Variants in ZNF76 observed in about 807,000 individuals in gnomAD.
ZNF76 encodes zinc finger protein 523.
ZNF76 carries 66 observed loss-of-function variants against 66.9 expected under a neutral mutation model. The ratio of observed to expected loss-of-function variants is 0.99; its 90% CI spans 0.81 to 1.21. The LOEUF (loss-of-function observed/expected upper bound fraction) is 1.21. Among genes scored for constraint, ZNF76 ranks in the 50% most tolerant of loss-of-function variants. The pLI, the probability that ZNF76 is intolerant of heterozygous loss-of-function variation, is 0.00. For synonymous variants in ZNF76, 275 were observed against 296.1 expected (o/e 0.93, Z 0.73); for missense variants, 729 against 760.3 (o/e 0.96, Z 0.48).
intron 1 of ZNF76, among the ~76,000 whole-genome samples, chr6:35,278,882 T>C (rs1176571462): frequency 6.6e-6 from 1 of 152,126 alleles, no homozygotes; most frequent in Non-Finnish European, 1.5e-5. Flanking sequence ...ACAGTGTGAG[T>C]TGCTGGAGAA....
chr6:35,290,872 T>C (rs2150374364), intron 7 of ZNF76, 156 bp downstream of exon 7: 1 of 716,482 alleles, frequency 1.4e-6, no homozygotes, highest in Admixed American at 2.6e-5. Flanking sequence ...GGAAACCTTG[T>C]TACGGGAGTG....
At chr6:35,293,648 C>T in intron 11 of ZNF76, 103 bp from the exon 12 acceptor site, 1 of 1,402,638 alleles carries the variant, frequency 7.1e-7, no homozygotes, top group Non-Finnish European at 9.8e-7. Flanking sequence ...TGACATGAAA[C>T]TAATAAGCTG....
At chr6:35,284,481 C>T (rs1789254584) in intron 2 of ZNF76, among the ~76,000 whole-genome samples, 1 of 151,580 alleles carries the variant, frequency 6.6e-6, no homozygotes, top group Non-Finnish European at 1.5e-5. Flanking sequence ...TCACTGCAAC[C>T]TCCGCCTCCC....
chr6:35,277,337 G>T (rs1311483248), intron 1 of ZNF76, among the ~76,000 whole-genome samples: 1 of 152,134 alleles, frequency 6.6e-6, no homozygotes, highest in Non-Finnish European at 1.5e-5. Context: ...ACCTTGACCA[G>T]TGGTTCTTCA....
intron 2 of ZNF76, among the ~76,000 whole-genome samples, chr6:35,285,458 A>G (rs1251665782): frequency 1.3e-5 from 2 of 152,208 alleles, no homozygotes; most frequent in Non-Finnish European, 2.9e-5. Flanking sequence ...CCAGTTTTTT[A>G]TATTCGTTAA....
In ZNF76 at chr6:35,286,365, T is replaced by A; in HGVS notation, c.198T>A (p.Asp66Glu). ...ATGGTCAGCCTGTGCAGCTGGAAGA[T>A]GGCAGCATGGCTTACATACACCGCA... The part of the protein sequence containing the change: ...FEDGQPVQLE[D>E]GSMAYIHRTP... Residue 66 changes from aspartate to glutamate, a missense_variant, in exon 4 of 14, where the codon GAT becomes GAA. Transcript: ENST00000373953. The A allele has an allele frequency of 6.2e-7, 1 of 1,614,170 alleles. No homozygotes were observed. The highest frequency in any genetic ancestry group is 8.5e-7 in the Non-Finnish European group (1 of 1,180,040).
At chr6:35,290,592 C>T (rs750107717) in intron 6 of ZNF76, 49 bp from the exon 7 acceptor site, 1 of 1,604,918 alleles carries the variant, frequency 6.2e-7, no homozygotes, top group African/African-American at 1.3e-5. Context: ...CCAAAGAGCC[C>T]TGGTCATACC....
rs1268511464 is a variant in ZNF76 at position 35,286,394 on chromosome 6, C to T, written c.227C>T (p.Pro76Leu). Residue 76 changes from proline to leucine, a missense_variant, in exon 4 of 14, where the codon CCC (proline) becomes CTC (leucine). Transcript: ENST00000373953. ...AGCATGGCTTACATACACCGCACAC[C>T]CAGAGGTAGGGTCACCATCATCACA... ...DGSMAYIHRT[P>L]REGYDPSTLE... 3 of 1,613,932 alleles carry T rather than the reference C, an allele frequency of 1.9e-6. No individual in the cohort carries two copies. The highest frequency in any genetic ancestry group is 2.5e-6 in the Non-Finnish European group (3 of 1,179,960).
chr6:35,286,543 A>G, intron 4 of ZNF76, 144 bp downstream of exon 4: 1 of 773,606 alleles, frequency 1.3e-6, no homozygotes, highest in Non-Finnish European at 2.2e-6. Context: ...GCTCACCTGG[A>G]TTAGCAGCCT....
chr6:35,289,246 A>AC, intron 5 of ZNF76, among the ~76,000 whole-genome samples: 1 of 152,144 alleles, frequency 6.6e-6, no homozygotes, highest in Admixed American at 6.5e-5. Context: ...TCCCGTGATT[A>AC]CCCCAGGAGC....
At position 35,290,345 on chromosome 6, in the gene ZNF76, G is replaced by A; in HGVS notation, c.512G>A (p.Gly171Asp). Residue 171 changes from glycine (G) to aspartate (D), a missense_variant, in exon 6 of 14, where the codon GGC becomes GAC. Coordinates refer to ENST00000373953, the MANE Select transcript of ZNF76 (RefSeq NM_003427.5). ...GDRAFRCGYK[G>D]CGRLYTTAHH... ...AGAGCATTCCGCTGTGGCTACAAGG[G>A]CTGTGGGCGTCTCTACACCACCGCT... The A allele has an allele frequency of 1.2e-6, 2 of 1,614,220 alleles. No individual in the cohort carries two copies. Among genetic ancestry groups the A allele is most frequent in the Non-Finnish European group, 1.7e-6 (2 of 1,180,034 alleles).
chr6:35,261,040 C>G (rs1453623534), intron 1 of ZNF76, among the ~76,000 whole-genome samples: 1 of 152,162 alleles, frequency 6.6e-6, no homozygotes, highest in African/African-American at 2.4e-5. Flanking sequence ...CATAACAAAC[C>G]TAGGTTCCAG....
At chr6:35,277,250 A>G (rs1428768130) in intron 1 of ZNF76, among the ~76,000 whole-genome samples, 1 of 152,196 alleles carries the variant, frequency 6.6e-6, no homozygotes, top group Non-Finnish European at 1.5e-5. Context: ...CTCTTGTGAG[A>G]CAGGGACCAC....
rs145936921 is a variant in ZNF76, at chr6:35,291,294, C to T, written c.642C>T (p.Ser214=). Residue 214 remains serine, a synonymous_variant, in exon 8 of 14, where the codon AGC becomes AGT. Transcript: ENST00000373953. ...KAFATGYGLK[S]HVRTHTGEKP... ...TATGGACAGGCTATGGACTGAAGAG[C>T]CACGTTCGTACCCACACTGGTGAGA... 6.5e-5 allele frequency: 104 copies of T among 1,611,250 alleles called. No homozygotes were observed. Among genetic ancestry groups the T allele is most frequent in the Non-Finnish European group, 8.6e-5 (101 of 1,178,728 alleles).
chr6:35,281,934 T>C (rs1377367029), intron 2 of ZNF76, among the ~76,000 whole-genome samples: 2 of 141,934 alleles, frequency 1.4e-5, no homozygotes, highest in Non-Finnish European at 3.0e-5. Flanking sequence ...AGATCCCATC[T>C]CTTAAAAAAA....
intron 1 of ZNF76, among the ~76,000 whole-genome samples, chr6:35,277,669 T>C (rs1788116480): frequency 6.6e-6 from 1 of 152,244 alleles, no homozygotes; most frequent in Admixed American, 6.5e-5. Context: ...AGTTAATGTA[T>C]GTGACATTCC....
At chr6:35,282,555 C>G (rs910943443) in intron 2 of ZNF76, among the ~76,000 whole-genome samples, 6 of 152,092 alleles carry the variant, frequency 3.9e-5, no homozygotes, top group Non-Finnish European at 8.8e-5. Flanking sequence ...CTCAGGCAGC[C>G]AGATAGCATT....
chr6:35,277,864 G>A lies in ZNF76; in HGVS notation c.-96-3192G>A, dbSNP rs137936580. Among the ~76,000 whole-genome samples, 18 of 152,242 alleles carry A rather than the reference G, an allele frequency of 1.2e-4. No individual in the cohort carries two copies. In the East Asian group the frequency reaches 2.9e-3, roughly 25 times the overall value. The stretch of plus-strand genomic sequence containing the variant: ...GTCTATAGGTTTTTTTGGGTTTTTC[G>A]TTTGTTTGTTTTTGAGACGGAGTCT... On this transcript the variant is annotated intron_variant, in intron 1 of 13. Transcript: ENST00000373953.
Position 35,287,760 on chromosome 6 carries a change from A to G in ZNF76, c.347A>G (p.Glu116Gly). ...AGCACCATCCTGGCCGTACAGACAG[A>G]GGTGGGCTTGGAGGACCTGGCAGCA... is the stretch of plus-strand genomic sequence containing the variant. ...SESTILAVQT[E>G]VGLEDLAAED... The change falls in exon 5 of 14, where the codon GAG becomes GGG. Residue 116 changes from glutamate (E) to glycine (G), a missense_variant. Glu to Gly is a moderately conservative substitution (Grantham distance 98). Transcript: ENST00000373953. This position sits in a 1 kb window ranked among gnomAD's most constrained non-coding sequence, Gnocchi z 4.0. The G allele has an allele frequency of 6.2e-7, 1 of 1,614,210 alleles. No homozygotes were observed. The highest frequency in any genetic ancestry group is 8.5e-7 in the Non-Finnish European group (1 of 1,180,040).
Sources: allele counts gnomAD v4.1 joint callset (sites outside exome capture counted in the v4.1 genomes callset), GRCh38; gene constraint gnomAD v4.1.1; non-coding constraint Gnocchi (gnomAD v3.1); transcripts MANE v1.5; gene names NCBI Gene and HGNC (gene_info 2026-07-23, HGNC 2026-07-21).